SPAG17: variants seen among roughly 807,000 people sequenced by gnomAD.
SPAG17 encodes the protein sperm-associated antigen 17.
In SPAG17, 169 loss-of-function variants were observed where a neutral mutation model predicts 273.6. That is an observed-to-expected ratio of 0.62 (90% confidence interval 0.55 to 0.70). The LOEUF (loss-of-function observed/expected upper bound fraction) is 0.70. Ranked by LOEUF, SPAG17 falls within the 30% of genes least tolerant of loss-of-function variation. The pLI, the probability that SPAG17 is intolerant of heterozygous loss-of-function variation, is 0.00. For synonymous variants in SPAG17, 825 were observed against 873.2 expected (o/e 0.94, Z 0.97); for missense variants, 2,557 against 2,627.8 (o/e 0.97, Z 0.59).
At chr1:117,962,732 T>C (rs1157799616) in intron 48 of SPAG17, 1 of 152,254 alleles carries the variant, frequency 6.6e-6, no homozygotes, top group Non-Finnish European at 1.5e-5. Context: ...TCATAAATTA[T>C]ATCTCATTCT....
chr1:118,143,204 G>C (rs1394293468), intron 3 of SPAG17, among the ~76,000 whole-genome samples: 1 of 152,162 alleles, frequency 6.6e-6, no homozygotes, highest in Non-Finnish European at 1.5e-5. Context: ...ACTACTGAGA[G>C]ATTTAAAGCT....
chr1:118,013,299 A>G (rs1032244291), intron 29 of SPAG17, among the ~76,000 whole-genome samples: 1 of 152,192 alleles, frequency 6.6e-6, no homozygotes, highest in Non-Finnish European at 1.5e-5. Flanking sequence ...TCCAAAGTTC[A>G]TGGCTATTGG....
At position 118,036,753 on chromosome 1, in the gene SPAG17, T is replaced by C. The variant is rs762657785; in HGVS notation, c.3433+17A>G. The C allele has an allele frequency of 3.9e-5, 59 of 1,519,496 alleles. No individual in the cohort carries two copies. The highest frequency in any genetic ancestry group is 5.9e-5 in the Admixed American group (3 of 50,836). 94.1% of individuals were successfully genotyped at this position (1,519,496 alleles called of 1,614,324 possible). On this transcript the variant is annotated intron_variant, in intron 24 of 48. Transcript: ENST00000336338. ...GGCTGTGGGGCACACTTATCCTTGC[T>C]GTTGTGTTCATTTCACCTGGTGCCA... is the stretch of plus-strand genomic sequence containing the variant.
At chr1:117,996,307 T>G in intron 34 of SPAG17, 63 bp downstream of exon 34, 1 of 1,526,570 alleles carries the variant, frequency 6.6e-7, no homozygotes, top group South Asian at 1.3e-5. Context: ...ATAGACTGGA[T>G]AGTAAGGAGG....
rs1439309530 is a variant in SPAG17, at chr1:118,005,419, A to C, written c.4771T>G (p.Phe1591Val). 1.9e-6 allele frequency: 3 copies of C among 1,602,702 alleles called. No homozygotes were observed. Among genetic ancestry groups the C allele is most frequent in the Non-Finnish European group, 2.6e-6 (3 of 1,175,352 alleles). The change falls in exon 32 of 49, where the codon TTT becomes GTT. Residue 1591 changes from phenylalanine (F) to valine (V), a missense_variant. Transcript: ENST00000336338. ...CEVLDPEGNT[F>V]QVMADGSIST... ...ATACCAAAGGTGCACTTTACCTGAA[A>C]AGTGTTTCCCTCAGGATCCAGAACC...
At chr1:117,987,796 C>A (rs770240903) in intron 40 of SPAG17, 38 bp downstream of exon 40, 1 of 1,607,152 alleles carries the variant, frequency 6.2e-7, no homozygotes, top group Admixed American at 1.7e-5. Context: ...TACTCTGGGC[C>A]CTTTCAGGTC....
At chr1:118,103,578 A>G (rs892255773) in intron 4 of SPAG17, among the ~76,000 whole-genome samples, 4 of 152,086 alleles carry the variant, frequency 2.6e-5, no homozygotes, top group Non-Finnish European at 4.4e-5. Context: ...CCAGGTATAA[A>G]TTGGTGCCTA....
rs1397631029 is a variant in SPAG17 at position 118,175,327 on chromosome 1, G to T, written c.87+9744C>A. Among the ~76,000 whole-genome samples the T allele has an allele frequency of 3.9e-5, 6 of 152,246 alleles. No individual in the cohort carries two copies. The East Asian group carries it at 1.2e-3, about 29-fold the overall frequency. On this transcript the variant is annotated intron_variant, in intron 1 of 48. Coordinates refer to ENST00000336338, the MANE Select transcript of SPAG17 (RefSeq NM_206996.4). ...TCACAGGCGTGAGCCACTGCGCCCA[G>T]CTGGAAATGAAGACATTCCCAGAAA...
intron 10 of SPAG17, among the ~76,000 whole-genome samples, chr1:118,087,920 C>A (rs1207864330): frequency 1.3e-5 from 2 of 152,208 alleles, no homozygotes; most frequent in African/African-American, 4.8e-5. Context: ...ATGCAAGTAG[C>A]ACCCTTCCAG....
chr1:118,159,580 C>G (rs1050510451), intron 1 of SPAG17, among the ~76,000 whole-genome samples: 1 of 152,096 alleles, frequency 6.6e-6, no homozygotes, highest in East Asian at 1.9e-4. Context: ...GTAGAAAGTT[C>G]TGCAAAAATG....
intron 10 of SPAG17, among the ~76,000 whole-genome samples, chr1:118,089,590 A>T (rs1655236753): frequency 1.3e-5 from 2 of 152,212 alleles, no homozygotes; most frequent in Non-Finnish European, 2.9e-5. Flanking sequence ...ATTATCTTCA[A>T]AGAAAAAAGT....
intron 20 of SPAG17, among the ~76,000 whole-genome samples, chr1:118,051,413 T>A (rs1227463510): frequency 6.6e-6 from 1 of 151,962 alleles, no homozygotes; most frequent in African/African-American, 2.4e-5. Context: ...GGATTTGAAA[T>A]CAGTATCCTG....
In SPAG17 at chr1:117,972,056, TAA is replaced by T. The variant is rs1343923605; in HGVS notation, c.6142-11_6142-10del. 1.9e-6 allele frequency: 3 copies of T among 1,588,846 alleles called. No individual in the cohort carries two copies. The highest frequency in any genetic ancestry group is 2.6e-6 in the Non-Finnish European group (3 of 1,169,750). On this transcript the variant is annotated splice_polypyrimidine_tract_variant and intron_variant, in intron 44 of 48. Coordinates refer to ENST00000336338, the MANE Select transcript of SPAG17 (RefSeq NM_206996.4). ...CCAACAGAATCTTGCACCTTTGCAT[TAA>T]GAAAAAATTAATAAAATGGTTCTAT...
At position 118,015,989 on chromosome 1, in the gene SPAG17, C is replaced by T; in HGVS notation, c.4263G>A (p.Gln1421=). 6.2e-7 allele frequency: 1 copy of T among 1,613,994 alleles called. No individual in the cohort carries two copies. Among genetic ancestry groups the T allele is most frequent in the Non-Finnish European group, 8.5e-7 (1 of 1,179,924 alleles). ...CCGTTCCATTGACAGGATCTGTGGC[C>T]TGAAAGGATAACAATGGGGTCAAGT... The part of the protein sequence containing the change: ...IADLTPLLSF[Q]ATDPVNGTVM... The change falls in exon 29 of 49, where the codon CAG becomes CAA. Residue 1421 remains glutamine (Q), a synonymous_variant. Coordinates refer to ENST00000336338, the MANE Select transcript of SPAG17 (RefSeq NM_206996.4).
intron 7 of SPAG17, among the ~76,000 whole-genome samples, chr1:118,093,692 G>A (rs142034934): frequency 7.9e-4 from 120 of 152,282 alleles, no homozygotes; most frequent in Non-Finnish European, 1.3e-3. Flanking sequence ...CCAGTGACAA[G>A]CTATAGATGA....
intron 1 of SPAG17, among the ~76,000 whole-genome samples, chr1:118,171,877 A>G (rs1660436937): frequency 6.6e-6 from 1 of 152,148 alleles, no homozygotes; most frequent in African/African-American, 2.4e-5. Context: ...AAAATATAAG[A>G]TTTGGTTCCT....
At chr1:118,086,612 A>G (rs1655013996) in intron 12 of SPAG17, 59 bp downstream of exon 12, 1 of 1,409,972 alleles carries the variant, frequency 7.1e-7, no homozygotes, top group Non-Finnish European at 1.0e-6. Flanking sequence ...TTTCAACTGA[A>G]TAGTTATAAA....
At chr1:118,152,809 G>A (rs1452306142) in intron 1 of SPAG17, among the ~76,000 whole-genome samples, 1 of 152,132 alleles carries the variant, frequency 6.6e-6, no homozygotes, top group Non-Finnish European at 1.5e-5. Context: ...TGTATAATGT[G>A]TAATGACCTT....
At chr1:118,055,949 C>A in intron 18 of SPAG17, 35 bp from the exon 19 acceptor site, 1 of 1,535,848 alleles carries the variant, frequency 6.5e-7, no homozygotes, top group South Asian at 1.2e-5. Context: ...AATTGAGTTA[C>A]TATGAAAGTC....
Sources: allele counts gnomAD v4.1 joint callset (sites outside exome capture counted in the v4.1 genomes callset), GRCh38; gene constraint gnomAD v4.1.1; transcripts MANE v1.5; gene names NCBI Gene and HGNC (gene_info 2026-07-23, HGNC 2026-07-21).